The following ZNRF2 variants were observed in gnomAD, a reference collection of about 807,000 sequenced individuals.
The protein encoded by ZNRF2 is zinc and ring finger 2.
A neutral mutation model predicts 20.4 loss-of-function variants in ZNRF2; 16 were observed. The ratio of observed to expected loss-of-function variants is 0.79; its 90% CI spans 0.53 to 1.19. The LOEUF (loss-of-function observed/expected upper bound fraction) is 1.19, where lower values mean the gene tolerates loss of function less well. Among genes scored for constraint, ZNRF2 ranks in the 50% most tolerant of loss-of-function variants. The pLI is 0.00. For synonymous variants in ZNRF2, 178 were observed against 144.9 expected (o/e 1.23, Z -1.64); for missense variants, 363 against 332.4 (o/e 1.09, Z -0.72).
intron 1 of ZNRF2, among the ~76,000 whole-genome samples, chr7:30,311,458 A>G (rs953007214): frequency 6.6e-6 from 1 of 152,218 alleles, no homozygotes; most frequent in Non-Finnish European, 1.5e-5. Context: ...ATGCAGAGTG[A>G]ATTTCATGAA....
At chr7:30,289,784 C>T (rs1216410344) in intron 1 of ZNRF2, 2 of 534,332 alleles carry the variant, frequency 3.7e-6, no homozygotes, top group African/African-American at 3.9e-5. Context: ...GACCTAAGAA[C>T]CTGGTATTTT....
At chr7:30,362,017 T>A (rs751668924) in intron 3 of ZNRF2, among the ~76,000 whole-genome samples, 32 of 152,186 alleles carry the variant, frequency 2.1e-4, no homozygotes, top group Non-Finnish European at 3.7e-4. Context: ...CATTTATAGG[T>A]GACATGAACA....
At position 30,330,911 on chromosome 7, in the gene ZNRF2, C is replaced by T. The variant is rs532894510; in HGVS notation, c.565+7174C>T. ...TTTGACGTCTCTGTTCATTTATGTA[C>T]ATTGGTGGTTTCTGTGGTTGAGTTT... On this transcript the variant is annotated intron_variant, in intron 2 of 4. Coordinates refer to ENST00000323037, the MANE Select transcript of ZNRF2 (RefSeq NM_147128.4). Among the ~76,000 whole-genome samples, 3 of 152,238 alleles carry T rather than the reference C, an allele frequency of 2.0e-5. No individual in the cohort carries two copies. In the East Asian group the frequency reaches 5.8e-4, roughly 29 times the overall value.
At chr7:30,333,523 C>G (rs980554333) in intron 2 of ZNRF2, among the ~76,000 whole-genome samples, 2 of 151,944 alleles carry the variant, frequency 1.3e-5, no homozygotes, top group African/African-American at 4.8e-5. Flanking sequence ...GTGCCCACCA[C>G]TACGCCTGGC....
chr7:30,331,424 G>A (rs975423365), intron 2 of ZNRF2, among the ~76,000 whole-genome samples: 9 of 152,204 alleles, frequency 5.9e-5, no homozygotes, highest in African/African-American at 2.2e-4. Context: ...TGAAATTAGA[G>A]TCTGGCTGAA....
intron 1 of ZNRF2, among the ~76,000 whole-genome samples, chr7:30,295,827 C>T (rs757493169): frequency 1.3e-5 from 2 of 152,202 alleles, no homozygotes; most frequent in Non-Finnish European, 2.9e-5. Flanking sequence ...AAAATTGAAA[C>T]ATCCAAGATT....
intron 2 of ZNRF2, among the ~76,000 whole-genome samples, chr7:30,348,331 C>G (rs1799910127): frequency 6.6e-6 from 1 of 152,180 alleles, no homozygotes; most frequent in Non-Finnish European, 1.5e-5. Flanking sequence ...CCTTAGTCTT[C>G]TGAGATCGGT....
At chr7:30,342,636 CTT>C (rs1225526149) in intron 2 of ZNRF2, among the ~76,000 whole-genome samples, 1 of 152,008 alleles carries the variant, frequency 6.6e-6, no homozygotes, top group Non-Finnish European at 1.5e-5. Context: ...TTAATTTAGA[CTT>C]TTGTTTATAT....
rs368341460 is a variant in ZNRF2, at chr7:30,366,471, A to G, written c.*459A>G. On this transcript the variant is annotated 3_prime_UTR_variant, in exon 5 of 5. Transcript: ENST00000323037. ...TAATGTTCATAATGTTTCTGCATTC[A>G]TCTGTTCTTAAATTGAAAAACATAT... 1 of 152,516 alleles carries G rather than the reference A, an allele frequency of 6.6e-6. No individual in the cohort carries two copies. The highest frequency in any genetic ancestry group is 1.5e-5 in the Non-Finnish European group (1 of 67,986). The allele number at this position is 152,516 out of a possible 1,614,324, so 9.4% of individuals were successfully genotyped here.
At chr7:30,365,054 AG>A (rs1320139377) in intron 4 of ZNRF2, among the ~76,000 whole-genome samples, 1 of 151,936 alleles carries the variant, frequency 6.6e-6, no homozygotes, top group Non-Finnish European at 1.5e-5. Flanking sequence ...CATGTCCCAA[AG>A]GCCCCACCTC....
intron 1 of ZNRF2, among the ~76,000 whole-genome samples, chr7:30,294,454 A>G (rs2128055813): frequency 6.6e-6 from 1 of 152,292 alleles, no homozygotes; most frequent in South Asian, 2.1e-4. Flanking sequence ...GGTCCTTACT[A>G]GTACCCTTTC....
intron 2 of ZNRF2, among the ~76,000 whole-genome samples, chr7:30,329,023 G>T (rs1583584118): frequency 6.6e-6 from 1 of 152,066 alleles, no homozygotes; most frequent in African/African-American, 2.4e-5. Context: ...ATAATTCCTT[G>T]TATAGTCTAT....
intron 1 of ZNRF2, among the ~76,000 whole-genome samples, chr7:30,308,304 A>G (rs570130857): frequency 6.3e-4 from 96 of 152,272 alleles, no homozygotes; most frequent in African/African-American, 2.3e-3. Flanking sequence ...AATTTTTTCA[A>G]CCATTCCATT....
intron 2 of ZNRF2, among the ~76,000 whole-genome samples, chr7:30,346,432 G>T (rs561287962): frequency 1.3e-5 from 2 of 151,646 alleles, no homozygotes; most frequent in Non-Finnish European, 2.9e-5. Flanking sequence ...CAGGTGATCC[G>T]CCTGCCTCGG....
chr7:30,348,058 C>A (rs527261852), intron 2 of ZNRF2, among the ~76,000 whole-genome samples: 243 of 151,512 alleles, frequency 1.6e-3, no homozygotes, highest in Non-Finnish European at 2.7e-3. Flanking sequence ...CCCACATATA[C>A]TAATAAACAT....
At chr7:30,327,428 G>T (rs552329198) in intron 2 of ZNRF2, among the ~76,000 whole-genome samples, 26 of 151,910 alleles carry the variant, frequency 1.7e-4, no homozygotes, top group Middle Eastern at 3.4e-3. Context: ...GCTTGTTTTT[G>T]GTCAGGTTTG....
intron 2 of ZNRF2, among the ~76,000 whole-genome samples, chr7:30,336,929 T>C (rs1359729226): frequency 6.6e-6 from 1 of 152,194 alleles, no homozygotes; most frequent in East Asian, 1.9e-4. Context: ...AACATGCGTG[T>C]ATGTGGGTGT....
chr7:30,316,527 G>A (rs1799380074), intron 1 of ZNRF2, among the ~76,000 whole-genome samples: 1 of 152,046 alleles, frequency 6.6e-6, no homozygotes, highest in Non-Finnish European at 1.5e-5. Context: ...TAAAACGCTT[G>A]TTGAACAAGG....
intron 1 of ZNRF2, among the ~76,000 whole-genome samples, chr7:30,318,594 G>C (rs977312020): frequency 1.3e-5 from 2 of 152,126 alleles, no homozygotes; most frequent in Admixed American, 6.6e-5. Context: ...TCAGGTTTAG[G>C]ATCAGTCCCT....
Sources: gnomAD v4.1 joint callset for allele counts (sites outside exome capture counted in the v4.1 genomes callset) on GRCh38, gnomAD v4.1.1 for gene constraint, MANE v1.5 for transcripts, NCBI Gene and HGNC (gene_info 2026-07-23, HGNC 2026-07-21) for gene names.